IKBKB: variants seen among roughly 807,000 people sequenced by gnomAD.
IKBKB encodes the protein inhibitor of nuclear factor kappa-B kinase subunit beta.
A neutral mutation model predicts 113.6 loss-of-function variants in IKBKB; 42 were observed. The observed-to-expected ratio is 0.37, with a 90% CI of 0.29 to 0.48. The LOEUF is 0.48. Among genes scored for constraint, IKBKB ranks in the 20% least tolerant of loss-of-function variants. IKBKB has a pLI of 0.99. For missense variants in IKBKB, 673 were observed against 939.7 expected (o/e 0.72, Z 3.71); for synonymous variants, 296 against 361.3 (o/e 0.82, Z 2.05).
intron 7 of IKBKB, among the ~76,000 whole-genome samples, chr8:42,306,830 T>A (rs1314392661): frequency 1.3e-5 from 2 of 152,194 alleles, no homozygotes; most frequent in East Asian, 3.8e-4. Context: ...TTCCATGAGG[T>A]ATTTCAGGGG....
intron 20 of IKBKB, 120 bp downstream of exon 20, chr8:42,326,217 G>T: frequency 8.0e-7 from 1 of 1,251,280 alleles, no homozygotes; most frequent in Non-Finnish European, 1.1e-6. Flanking sequence ...CTGGATGTTT[G>T]TTGCATCTGC....
chr8:42,311,467 A>G (rs1817669783), intron 8 of IKBKB, among the ~76,000 whole-genome samples: 1 of 149,486 alleles, frequency 6.7e-6, no homozygotes, highest in Non-Finnish European at 1.5e-5. Flanking sequence ...AGGCTGAAAC[A>G]GGAGAATCGC....
At chr8:42,312,176 G>A (rs757019332) in intron 8 of IKBKB, among the ~76,000 whole-genome samples, 1 of 152,188 alleles carries the variant, frequency 6.6e-6, no homozygotes, top group Non-Finnish European at 1.5e-5. Flanking sequence ...GTGAGCCACC[G>A]CGCCCGGCTG....
chr8:42,289,923 A>T (rs1294507504), intron 3 of IKBKB, among the ~76,000 whole-genome samples: 1 of 152,052 alleles, frequency 6.6e-6, no homozygotes, highest in East Asian at 1.9e-4. Context: ...CGCACAAAAA[A>T]CTGAAGTTAC....
chr8:42,305,288 CTGGGACTGGGAAAGCCTCAGG>C lies in IKBKB; in HGVS notation c.477+18_477+38del, dbSNP rs778559719. 6.3e-7 allele frequency: 1 copy of C among 1,577,442 alleles called. No homozygotes were observed. The highest frequency in any genetic ancestry group is 1.1e-5 in the South Asian group (1 of 90,140). ...AGGAGAACAGAGGGTAAGTGACCTC[CTGGGACTGGGAAAGCCTCAGG>C]TGGGCGTGCCGGGAAGTGGCCTGGG... On this transcript the variant is annotated intron_variant, in intron 6 of 21. Transcript: ENST00000520810.
rs565023239 is a variant in IKBKB at position 42,271,448 on chromosome 8, T to C, written c.-40T>C. 2.8e-3 allele frequency: 2,640 copies of C among 946,232 alleles called. 36 individuals are homozygous for C. The highest frequency in any genetic ancestry group is 0.02 in the South Asian group (1,486 of 73,004). 58.6% of individuals were successfully genotyped at this position (946,232 alleles called of 1,614,324 possible). A position where few individuals can be genotyped will look rare whatever the true frequency, so the allele number is the denominator to read the frequency against. Reference sequence around the variant, plus strand: ...TCCCCGCCCCGGGGAGCCCGCCCCCTGCCCCGCGTCCCTGCCGACAGGTGA... The same window carrying C: ...TCCCCGCCCCGGGGAGCCCGCCCCCCGCCCCGCGTCCCTGCCGACAGGTGA... On this transcript the variant is annotated 5_prime_UTR_variant, in exon 1 of 22. Coordinates refer to ENST00000520810, the MANE Select transcript of IKBKB (RefSeq NM_001556.3).
At chr8:42,304,665 A>G (rs1202380331) in intron 5 of IKBKB, among the ~76,000 whole-genome samples, 3 of 151,900 alleles carry the variant, frequency 2.0e-5, no homozygotes, top group Non-Finnish European at 2.9e-5. Context: ...GCCAGTTCTG[A>G]CCTCTTGGGA....
At chr8:42,327,812 T>A (rs138662065) in intron 20 of IKBKB, among the ~76,000 whole-genome samples, 140 of 7,624 alleles carry the variant, frequency 0.018, 13 homozygotes, top group Middle Eastern at 0.25. Flanking sequence ...TTGTATTTTT[T>A]TTTTTTTTTG....
chr8:42,282,463 T>C (rs957159428), intron 2 of IKBKB, among the ~76,000 whole-genome samples: 7 of 152,196 alleles, frequency 4.6e-5, no homozygotes, highest in Admixed American at 1.3e-4. Flanking sequence ...TGCCTTGGTC[T>C]CCCAAAGTGC....
rs200315242 is a variant in IKBKB at position 42,318,547 on chromosome 8, T to A, written c.1241-5T>A. 9 of 1,612,790 alleles carry A rather than the reference T, an allele frequency of 5.6e-6. No individual in the cohort carries two copies. In the African/African-American group the frequency reaches 1.1e-4, roughly 19 times the overall value. ...TTTGACAATTGCTTGTGTCTCTGTC[T>A]CCAGTTCAAGAGCCCAAGAGGAATC... On this transcript the variant is annotated splice_polypyrimidine_tract_variant and splice_region_variant and intron_variant, in intron 12 of 21. Coordinates refer to ENST00000520810, the MANE Select transcript of IKBKB (RefSeq NM_001556.3).
chr8:42,326,132 C>T, intron 20 of IKBKB, 35 bp downstream of exon 20: 1 of 1,612,838 alleles, frequency 6.2e-7, no homozygotes, highest in Non-Finnish European at 8.5e-7. Context: ...GTGTGACCAT[C>T]AAGGGCACGT....
chr8:42,292,104 G>A (rs1403381746), intron 4 of IKBKB, among the ~76,000 whole-genome samples: 1 of 152,154 alleles, frequency 6.6e-6, no homozygotes, highest in Non-Finnish European at 1.5e-5. Context: ...AATGAGAGAT[G>A]GGGGAACTCA....
chr8:42,325,841 A>G, intron 19 of IKBKB, 129 bp from the exon 20 acceptor site: 1 of 1,494,096 alleles, frequency 6.7e-7, no homozygotes, highest in Non-Finnish European at 8.9e-7. Flanking sequence ...GGGGGTGCCA[A>G]CTGGTAGGCT....
At chr8:42,296,607 C>T (rs1813880373) in intron 5 of IKBKB, among the ~76,000 whole-genome samples, 2 of 151,430 alleles carry the variant, frequency 1.3e-5, no homozygotes, top group African/African-American at 4.9e-5. Context: ...CAAGATCGCA[C>T]CATTGCACTC....
chr8:42,276,890 G>A (rs1409720795), intron 2 of IKBKB, among the ~76,000 whole-genome samples: 3 of 131,624 alleles, frequency 2.3e-5, no homozygotes, highest in South Asian at 2.5e-4. Context: ...TTTTTGAGAC[G>A]GGGTCTCGCT....
In IKBKB at chr8:42,290,216, G is replaced by T; in HGVS notation, c.261G>T (p.Ala87=). Residue 87 remains alanine, a synonymous_variant, in exon 4 of 22, where the codon GCG becomes GCT. Transcript: ENST00000520810. ...RDVPEGMQNL[A]PNDLPLLAME... Reference sequence around the variant, plus strand: ...TCCCTGAGGGGATGCAGAACTTGGCGCCCAATGACCTGCCCCTGCTGGCCA... The same window carrying T: ...TCCCTGAGGGGATGCAGAACTTGGCTCCCAATGACCTGCCCCTGCTGGCCA... 6.2e-7 allele frequency: 1 copy of T among 1,613,702 alleles called. No individual in the cohort carries two copies. The highest frequency in any genetic ancestry group is 8.5e-7 in the Non-Finnish European group (1 of 1,179,876).
At chr8:42,315,341 G>A (rs1165805098) in intron 9 of IKBKB, among the ~76,000 whole-genome samples, 1 of 152,196 alleles carries the variant, frequency 6.6e-6, no homozygotes, top group Non-Finnish European at 1.5e-5. Context: ...CGTGGGATAA[G>A]CTAGAACTTT....
intron 2 of IKBKB, among the ~76,000 whole-genome samples, chr8:42,276,013 A>G (rs887474492): frequency 4.6e-5 from 7 of 151,892 alleles, no homozygotes; most frequent in Non-Finnish European, 1.0e-4. Context: ...GCTAATTTTT[A>G]TGTTTTCAGC....
At chr8:42,303,348 A>G (rs188209581) in intron 5 of IKBKB, among the ~76,000 whole-genome samples, 2 of 152,332 alleles carry the variant, frequency 1.3e-5, no homozygotes, top group East Asian at 3.9e-4. Context: ...TGGCACTACC[A>G]TAATTTGTTC....
Sources: gnomAD v4.1 joint callset for allele counts (sites outside exome capture counted in the v4.1 genomes callset) on GRCh38, gnomAD v4.1.1 for gene constraint, MANE v1.5 for transcripts, NCBI Gene and HGNC (gene_info 2026-07-23, HGNC 2026-07-21) for gene names.